The following RNF111 variants were observed in gnomAD, a reference collection of about 807,000 sequenced individuals.
RNF111 encodes E3 ubiquitin-protein ligase Arkadia.
Under a neutral mutation model 95.1 loss-of-function variants are expected in RNF111, and 17 were observed. That is an observed-to-expected ratio of 0.18 (90% CI 0.12 to 0.27). RNF111 has a LOEUF of 0.27. RNF111 is among the 10% of genes least tolerant of loss of function. The pLI is 1.00. For missense variants in RNF111, 1,189 were observed against 1,210.4 expected, an observed-to-expected ratio of 0.98 and a Z score of 0.26; for synonymous variants, 440 against 414.8, an observed-to-expected ratio of 1.06 and a Z score of -0.74.
rs1333809050 is a variant in RNF111, at chr15:59,052,301, C to T, written c.881-4C>T. 1.2e-5 allele frequency: 19 copies of T among 1,553,644 alleles called. No homozygotes were observed. Among genetic ancestry groups the T allele is most frequent in the Non-Finnish European group, 1.6e-5 (19 of 1,155,428 alleles). On this transcript the variant is annotated splice_region_variant and splice_polypyrimidine_tract_variant and intron_variant, in intron 2 of 13. Coordinates refer to ENST00000348370, the MANE Select transcript of RNF111 (RefSeq NM_017610.8). ...CTTTAAATGTTTTTTCTTTTTGTTT[C>T]CAGGAAGTATTGATGAAGATGTTGT...
rs556404739 is a variant in RNF111 at position 59,011,811 on chromosome 15, C to T, written c.-19-18993C>T. ...CATTTTGAAGTACTGGGTGTTAGGA[C>T]TTCAACGTATGAATTTTGGGGAACA... On this transcript the variant is annotated intron_variant, in intron 1 of 13. Transcript: ENST00000348370. Among the ~76,000 whole-genome samples the T allele has an allele frequency of 5.4e-4, 82 of 152,090 alleles. 1 individual carries two copies. The highest frequency in any genetic ancestry group is 1.9e-3 in the African/African-American group (78 of 41,478).
intron 2 of RNF111, among the ~76,000 whole-genome samples, chr15:59,048,857 G>A (rs1166476831): frequency 6.6e-6 from 1 of 152,086 alleles, no homozygotes; most frequent in Non-Finnish European, 1.5e-5. Context: ...GGGGACTGAG[G>A]TGGGAGGAGT....
rs868491012 is a variant in RNF111 at position 59,027,597 on chromosome 15, C to G, written c.-19-3207C>G. ...AGGCTGGAGTGCAATGGCGCAATCTCGGCTCACTGCAACCTATGTCTCCTG... is the reference window on the plus strand; with the variant it reads ...AGGCTGGAGTGCAATGGCGCAATCTGGGCTCACTGCAACCTATGTCTCCTG... On this transcript the variant is annotated intron_variant, in intron 1 of 13. Transcript: ENST00000348370. 2.6e-5 allele frequency among the ~76,000 whole-genome samples: 4 copies of G among 151,784 alleles called. 1 individual carries two copies. The Middle Eastern group carries it at 0.014, about 516-fold the overall frequency.
Position 59,091,099 on chromosome 15 carries a change from G to A in RNF111, c.2684G>A (p.Arg895His), listed in dbSNP as rs745792578. Reference protein sequence around the residue: ...HLEERLGNVNRGASQGTIERC... With the variant: ...HLEERLGNVNHGASQGTIERC... ...GAAGAAAGATTAGGCAATGTCAATC[G>A]TGGAGCATCCCAGGGGACAATTGAA... is the stretch of plus-strand genomic sequence containing the variant. The change falls in exon 12 of 14, where the codon CGT becomes CAT. Residue 895 changes from arginine to histidine, a missense_variant. Coordinates refer to ENST00000348370, the MANE Select transcript of RNF111 (RefSeq NM_017610.8). 71 of 1,610,572 alleles carry A rather than the reference G, an allele frequency of 4.4e-5. No homozygotes were observed. The highest frequency in any genetic ancestry group is 5.4e-5 in the Non-Finnish European group (63 of 1,177,560).
chr15:58,997,638 G>C (rs2039135501), intron 1 of RNF111, among the ~76,000 whole-genome samples: 1 of 151,728 alleles, frequency 6.6e-6, no homozygotes, highest in Admixed American at 6.6e-5. Context: ...GCAACATGGG[G>C]AAACTCCATC....
chr15:59,003,133 C>T (rs764201197), intron 1 of RNF111, among the ~76,000 whole-genome samples: 6 of 151,950 alleles, frequency 3.9e-5, no homozygotes, highest in Non-Finnish European at 8.8e-5. Context: ...TTTCTTTTTT[C>T]GAGACAAGGT....
At chr15:59,020,999 A>G (rs372137954) in intron 1 of RNF111, among the ~76,000 whole-genome samples, 3 of 152,044 alleles carry the variant, frequency 2.0e-5, no homozygotes, top group Admixed American at 6.6e-5. Context: ...GATTTCTGAG[A>G]TTTTGGTGCA....
chr15:59,071,155 G>A (rs532092476), intron 6 of RNF111, among the ~76,000 whole-genome samples: 1 of 151,884 alleles, frequency 6.6e-6, no homozygotes, highest in Non-Finnish European at 1.5e-5. Context: ...AAAAGTAGCC[G>A]GGCGTGGTGG....
At chr15:59,008,373 A>G (rs2141513468) in intron 1 of RNF111, among the ~76,000 whole-genome samples, 1 of 152,080 alleles carries the variant, frequency 6.6e-6, no homozygotes, top group South Asian at 2.1e-4. Flanking sequence ...ACGCACCACC[A>G]TGCCTGACTA....
rs369078940 is a variant in RNF111 at position 59,081,163 on chromosome 15, C to G, written c.2176C>G (p.Pro726Ala). 119 of 1,614,086 alleles carry G rather than the reference C, an allele frequency of 7.4e-5. No homozygotes were observed. Among genetic ancestry groups the G allele is most frequent in the Non-Finnish European group, 9.9e-5 (117 of 1,180,042 alleles). Reference protein sequence around the residue: ...TAAPIPQHLPPTHQPISHHIP... With the variant: ...TAAPIPQHLPATHQPISHHIP... The stretch of plus-strand genomic sequence containing the variant: ...TGCACCAATCCCTCAGCATCTTCCT[C>G]CTACACACCAGCCAATTTCGCACCA... Residue 726 changes from proline (P) to alanine (A), a missense_variant, in exon 8 of 14, where the codon CCT (proline) becomes GCT (alanine). Coordinates refer to ENST00000348370, the MANE Select transcript of RNF111 (RefSeq NM_017610.8).
chr15:59,069,091 A>G (rs1202344215), intron 6 of RNF111, among the ~76,000 whole-genome samples: 2 of 151,800 alleles, frequency 1.3e-5, no homozygotes, highest in African/African-American at 4.8e-5. Flanking sequence ...AAAAAAAAAA[A>G]AAGGAGTTGT....
chr15:59,080,840 A>G, intron 7 of RNF111, 96 bp from the exon 8 acceptor site: 2 of 960,800 alleles, frequency 2.1e-6, no homozygotes, highest in South Asian at 1.7e-5. Flanking sequence ...AAAATAAAAT[A>G]CTAATATGTT....
Position 59,096,664 on chromosome 15 carries a change from CT to C in RNF111, c.*1766del, listed in dbSNP as rs1566952505. 1 of 152,102 alleles carries C rather than the reference CT, an allele frequency of 6.6e-6. No individual in the cohort carries two copies. Among genetic ancestry groups the C allele is most frequent in the African/African-American group, 2.4e-5 (1 of 41,404 alleles). 9.4% of individuals were successfully genotyped at this position (152,102 alleles called of 1,614,324 possible). A position where few individuals can be genotyped will look rare whatever the true frequency, so the allele number is the denominator to read the frequency against. On this transcript the variant is annotated 3_prime_UTR_variant, in exon 14 of 14. Transcript: ENST00000348370. ...TGGACGATGGATTTAAAGAGCATAC[CT>C]TATGATTAAACCGAGGTTATAGAAG...
intron 6 of RNF111, among the ~76,000 whole-genome samples, chr15:59,072,361 A>G (rs2042969136): frequency 6.6e-6 from 1 of 152,164 alleles, no homozygotes; most frequent in Non-Finnish European, 1.5e-5. Flanking sequence ...AATCCTTTCA[A>G]ACTTTGCAGC....
intron 2 of RNF111, among the ~76,000 whole-genome samples, chr15:59,051,771 CAATAAATAAATA>C (rs56358103): frequency 6.7e-5 from 10 of 149,794 alleles, no homozygotes; most frequent in Non-Finnish European, 1.0e-4. Context: ...GAAACTGTCT[CAATAAATAAATA>C]AATAAATAAA....
chr15:59,090,862 A>G (rs1935312205), intron 11 of RNF111, among the ~76,000 whole-genome samples, 197 bp from the exon 12 acceptor site: 1 of 152,200 alleles, frequency 6.6e-6, no homozygotes, highest in Non-Finnish European at 1.5e-5. Context: ...GTTTGAGACC[A>G]GCCTGGGCAA....
chr15:59,005,343 A>G (rs1403291510), intron 1 of RNF111, among the ~76,000 whole-genome samples: 2 of 152,176 alleles, frequency 1.3e-5, no homozygotes, highest in African/African-American at 4.8e-5. Flanking sequence ...TTTCATTACT[A>G]TTCTCCAGAT....
chr15:59,070,588 A>G (rs1471095347), intron 6 of RNF111, among the ~76,000 whole-genome samples: 3 of 152,232 alleles, frequency 2.0e-5, no homozygotes, highest in African/African-American at 7.2e-5. Flanking sequence ...TGCCAACTCA[A>G]TAGAAGAACA....
At chr15:59,063,809 C>A (rs1241588522) in intron 5 of RNF111, among the ~76,000 whole-genome samples, 1 of 152,102 alleles carries the variant, frequency 6.6e-6, no homozygotes, top group Non-Finnish European at 1.5e-5. Context: ...TTAGAGTCAA[C>A]GTAATCCTCA....
Sources: allele counts gnomAD v4.1 joint callset (sites outside exome capture counted in the v4.1 genomes callset), GRCh38; gene constraint gnomAD v4.1.1; transcripts MANE v1.5; gene names NCBI Gene and HGNC (gene_info 2026-07-23, HGNC 2026-07-21).